RBL2: variants seen among roughly 807,000 people sequenced by gnomAD.
RBL2 encodes retinoblastoma-like protein 2.
RBL2 carries 56 observed loss-of-function variants against 126.0 expected under a neutral mutation model. The ratio of observed to expected loss-of-function variants is 0.44; its 90% CI spans 0.36 to 0.56. RBL2 has a LOEUF of 0.56. RBL2 is among the 20% of genes least tolerant of loss of function. The pLI is 0.00. For missense variants in RBL2, 1,229 were observed against 1,398.2 expected (o/e 0.88, Z 1.93); for synonymous variants, 454 against 478.5 (o/e 0.95, Z 0.67).
chr16:53,479,186 T>G lies in RBL2; in HGVS notation c.2736T>G (p.Ile912Met). ...VTKEDKSFQN[I>M]MRCYRTQPQA... ...AAGAAGATAAGTCCTTCCAGAACATTATGCGTTGTTATAGGACTCAGCCGC... is the reference window on the plus strand; with the variant it reads ...AAGAAGATAAGTCCTTCCAGAACATGATGCGTTGTTATAGGACTCAGCCGC... The change falls in exon 18 of 22, where the codon ATT (isoleucine) becomes ATG (methionine). Residue 912 changes from isoleucine to methionine, a missense_variant. By Grantham distance (10) the Ile-to-Met change is conservative. This residue lies in a region of RBL2 where 1,070 missense variants were observed against 1,274.3 expected (regional missense o/e 0.84). Transcript: ENST00000262133. 6.2e-7 allele frequency: 1 copy of G among 1,614,008 alleles called. No individual in the cohort carries two copies. Among genetic ancestry groups the G allele is most frequent in the South Asian group, 1.1e-5 (1 of 91,084 alleles).
chr16:53,488,438 G>A (rs897729293), intron 21 of RBL2: 2 of 152,162 alleles, frequency 1.3e-5, no homozygotes, highest in African/African-American at 4.8e-5. Context: ...CCGACTGTAG[G>A]TATTTCTAGC....
At chr16:53,481,083 T>A in intron 20 of RBL2, 1 of 213,988 alleles carries the variant, frequency 4.7e-6, no homozygotes, top group Non-Finnish European at 9.4e-6. Context: ...TGTTTGAACA[T>A]GGGAGGCGGT....
chr16:53,440,953 C>CTTTTTTTTTTT (rs1178378934), intron 2 of RBL2, among the ~76,000 whole-genome samples: 9 of 71,660 alleles, frequency 1.3e-4, no homozygotes, highest in South Asian at 5.8e-4. Context: ...TTTTTCAGTT[C>CTTTTTTTTTTT]TTTTTTTTTT....
Position 53,434,696 on chromosome 16 carries a change from A to G in RBL2, c.140A>G (p.Gln47Arg), listed in dbSNP as rs918400865. Residue 47 changes from glutamine (Q) to arginine (R), a missense_variant, in exon 1 of 22, where the codon CAG becomes CGG. By Grantham distance (43) the Gln-to-Arg change is conservative. This residue lies in a region of RBL2 where 159 missense variants were observed against 123.9 expected (regional missense o/e 1.28). Transcript: ENST00000262133. ...PAESPTPQIQ[Q>R]RFDELCSRLN... The stretch of plus-strand genomic sequence containing the variant: ...GAGTCGCCCACCCCTCAGATCCAGC[A>G]GCGGTTCGACGAGCTGTGCAGCCGC... The G allele has an allele frequency of 1.3e-6, 2 of 1,570,666 alleles. No homozygotes were observed. Among genetic ancestry groups the G allele is most frequent in the East Asian group, 2.3e-5 (1 of 43,502 alleles).
intron 5 of RBL2, among the ~76,000 whole-genome samples, chr16:53,452,414 T>C (rs1477394875): frequency 6.6e-6 from 1 of 152,194 alleles, no homozygotes; most frequent in African/African-American, 2.4e-5. Flanking sequence ...AAAATAAATA[T>C]TGCTGCTGCT....
chr16:53,466,304 C>T (rs138854885), intron 13 of RBL2, among the ~76,000 whole-genome samples: 2 of 152,174 alleles, frequency 1.3e-5, no homozygotes, highest in East Asian at 3.9e-4. Flanking sequence ...CTTTTTGGCA[C>T]CAAGGACCAG....
At chr16:53,459,734 C>T (rs1052194228) in intron 9 of RBL2, 117 bp downstream of exon 9, 2 of 1,018,538 alleles carry the variant, frequency 2.0e-6, no homozygotes, top group Admixed American at 3.3e-5. Context: ...CAATTGTATA[C>T]TCAGTCCTGT....
At position 53,470,497 on chromosome 16, in the gene RBL2, G is replaced by A; in HGVS notation, c.2360G>A (p.Gly787Glu). The change falls in exon 16 of 22, where the codon GGA becomes GAA. Residue 787 changes from glycine to glutamate, a missense_variant. This residue lies in a region of RBL2 where 1,070 missense variants were observed against 1,274.3 expected (regional missense o/e 0.84). Transcript: ENST00000262133. ...IQPLSAQALA[G>E]SLSSQQVTGT... The stretch of plus-strand genomic sequence containing the variant: ...CCCCTCAGTGCTCAGGCCCTGGCTG[G>A]AAGTCTGAGCTCTCAACAGGTGACA... 2 of 1,614,156 alleles carry A rather than the reference G, an allele frequency of 1.2e-6. No homozygotes were observed. The highest frequency in any genetic ancestry group is 1.3e-5 in the African/African-American group (1 of 75,022).
chr16:53,469,332 T>C (rs2058299178), intron 14 of RBL2, among the ~76,000 whole-genome samples: 1 of 152,250 alleles, frequency 6.6e-6, no homozygotes, highest in Admixed American at 6.5e-5. Flanking sequence ...AAATAAATTA[T>C]GCTTAACTGA....
At chr16:53,435,605 C>G (rs1598081974) in intron 1 of RBL2, 1 of 1,265,656 alleles carries the variant, frequency 7.9e-7, no homozygotes, top group East Asian at 5.6e-5. Context: ...GGAAGTGACA[C>G]GGAAGTACGG....
In RBL2 at chr16:53,490,262, C is replaced by T; in HGVS notation, c.3382C>T (p.Arg1128Cys). ...CPENHSALLRRLQDVANDRGS... is the reference protein window; with the variant it reads ...CPENHSALLRCLQDVANDRGS... ...AGAAAATCATTCTGCCTTATTACGC[C>T]GTCTCCAAGATGTAGCTAATGACCG... Residue 1128 changes from arginine (R) to cysteine (C), a missense_variant, in exon 22 of 22, where the codon CGT (arginine) becomes TGT (cysteine). Coordinates refer to ENST00000262133, the MANE Select transcript of RBL2 (RefSeq NM_005611.4). 1 of 1,612,228 alleles carries T rather than the reference C, an allele frequency of 6.2e-7. No individual in the cohort carries two copies. Among genetic ancestry groups the T allele is most frequent in the Non-Finnish European group, 8.5e-7 (1 of 1,178,968 alleles).
In RBL2 at chr16:53,470,926, A is replaced by C; in HGVS notation, c.2703+4A>C. On this transcript the variant is annotated splice_donor_region_variant and intron_variant, in intron 17 of 21. Coordinates refer to ENST00000262133, the MANE Select transcript of RBL2 (RefSeq NM_005611.4). Reference sequence around the variant, plus strand: ...TGCCATTTATGTGATGGCAAAGGTGAGTACCATTTGGAATTGTAAAGGCAA... The same window carrying C: ...TGCCATTTATGTGATGGCAAAGGTGCGTACCATTTGGAATTGTAAAGGCAA... The C allele has an allele frequency of 6.2e-7, 1 of 1,603,942 alleles. No individual in the cohort carries two copies. Among genetic ancestry groups the C allele is most frequent in the South Asian group, 1.1e-5 (1 of 89,258 alleles).
At position 53,457,994 on chromosome 16, in the gene RBL2, T is replaced by C. The variant is rs117315591; in HGVS notation, c.1180-1457T>C. 3.3e-5 allele frequency among the ~76,000 whole-genome samples: 5 copies of C among 152,336 alleles called. No individual in the cohort carries two copies. In the East Asian group the frequency reaches 9.7e-4, roughly 29 times the overall value. On this transcript the variant is annotated intron_variant, in intron 8 of 21. Coordinates refer to ENST00000262133, the MANE Select transcript of RBL2 (RefSeq NM_005611.4). ...CATCGGTTCATGCACAGTGAAGTAG[T>C]TGGCTGCAAGAAACCTTGTAAGGCA...
At chr16:53,461,446 T>C (rs2058219830) in intron 9 of RBL2, among the ~76,000 whole-genome samples, 1 of 152,014 alleles carries the variant, frequency 6.6e-6, no homozygotes, top group Non-Finnish European at 1.5e-5. Context: ...GAGCCAAGAC[T>C]GCATCACTGC....
chr16:53,448,811 T>A (rs1354271549), intron 4 of RBL2: 3 of 152,224 alleles, frequency 2.0e-5, no homozygotes, highest in Non-Finnish European at 4.4e-5. Flanking sequence ...ATTAGGCAGC[T>A]GAGCCCAGAA....
intron 14 of RBL2, among the ~76,000 whole-genome samples, chr16:53,469,247 G>T (rs970047677): frequency 6.6e-6 from 1 of 151,946 alleles, no homozygotes; most frequent in Non-Finnish European, 1.5e-5. Context: ...AAAAAAAATA[G>T]TAACAATTTG....
chr16:53,440,490 C>CT (rs2058004510), intron 2 of RBL2, among the ~76,000 whole-genome samples: 1 of 152,146 alleles, frequency 6.6e-6, no homozygotes, highest in East Asian at 1.9e-4. Flanking sequence ...ATTCACATAG[C>CT]TAATAGATAC....
rs1384915656 is a variant in RBL2 at position 53,465,301 on chromosome 16, ATTAT to A, written c.1699-133_1699-130del. 4.0e-5 allele frequency: 22 copies of A among 554,134 alleles called. No homozygotes were observed. In the East Asian group the frequency reaches 7.7e-4, roughly 19 times the overall value. 34.3% of individuals were successfully genotyped at this position (554,134 alleles called of 1,614,324 possible). ...TATATAATTCATAGTTTGAACTATA[ATTAT>A]TTACAAAGACAGTAAAAGGAAGAGC... On this transcript the variant is annotated intron_variant, in intron 12 of 21. Coordinates refer to ENST00000262133, the MANE Select transcript of RBL2 (RefSeq NM_005611.4).
chr16:53,481,841 C>CCTA lies in RBL2; in HGVS notation c.3249+7_3249+9dup. ...TCAGCAACAGTCCTTCAAAGGTGAG[C>CCTA]CTAACATCAATCTTGGCCTTTACTA... On this transcript the variant is annotated splice_region_variant and intron_variant, in intron 21 of 21. Transcript: ENST00000262133. 1 of 1,568,826 alleles carries CCTA rather than the reference C, an allele frequency of 6.4e-7. No individual in the cohort carries two copies. Among genetic ancestry groups the CCTA allele is most frequent in the Non-Finnish European group, 8.8e-7 (1 of 1,139,042 alleles).
Sources: gnomAD v4.1 joint callset for allele counts (sites outside exome capture counted in the v4.1 genomes callset) on GRCh38, gnomAD v4.1.1 for gene constraint, gnomAD v4.1.1 regional missense constraint, MANE v1.5 for transcripts, NCBI Gene and HGNC (gene_info 2026-07-23, HGNC 2026-07-21) for gene names.